The following NLGN1 variants were observed in gnomAD, a reference collection of about 807,000 sequenced individuals.
NLGN1 encodes neuroligin-1.
In NLGN1, 12 loss-of-function variants were observed where a neutral mutation model predicts 65.5. The ratio of observed to expected loss-of-function variants is 0.18; its 90% CI spans 0.12 to 0.30. The LOEUF (loss-of-function observed/expected upper bound fraction) is 0.30, where lower values mean the gene tolerates loss of function less well. Among genes scored for constraint, NLGN1 ranks in the 10% least tolerant of loss-of-function variants. NLGN1 has a pLI of 1.00. For synonymous variants in NLGN1, 350 were observed against 359.5 expected (o/e 0.97, Z 0.30); for missense variants, 750 against 1,007.1 (o/e 0.74, Z 3.46).
chr3:173,426,947 A>T (rs1280021798), intron 1 of NLGN1, among the ~76,000 whole-genome samples: 1 of 152,084 alleles, frequency 6.6e-6, no homozygotes, highest in Non-Finnish European at 1.5e-5. Context: ...CAATGAAATT[A>T]TCTGGTTACG....
At chr3:173,797,695 AC>A (rs1194354560) in intron 3 of NLGN1, among the ~76,000 whole-genome samples, 167 of 54,712 alleles carry the variant, frequency 3.1e-3, no homozygotes, top group African/African-American at 5.4e-3. Context: ...AACAACAACA[AC>A]AACAAAAAAA....
At chr3:173,870,664 T>C (rs930310343) in intron 4 of NLGN1, among the ~76,000 whole-genome samples, 1 of 152,206 alleles carries the variant, frequency 6.6e-6, no homozygotes, top group African/African-American at 2.4e-5. Flanking sequence ...CTTCTGAGTT[T>C]CTTAATTTAT....
intron 4 of NLGN1, among the ~76,000 whole-genome samples, chr3:174,223,592 C>T (rs1441926845): frequency 1.3e-5 from 2 of 152,158 alleles, no homozygotes; most frequent in African/African-American, 4.8e-5. Flanking sequence ...TCAGTGTGTG[C>T]AGCTGAATGT....
chr3:173,814,596 C>A (rs1011978721), intron 4 of NLGN1, among the ~76,000 whole-genome samples: 3 of 152,082 alleles, frequency 2.0e-5, no homozygotes, highest in Non-Finnish European at 4.4e-5. Flanking sequence ...GTAAGTGTGT[C>A]AATTATTGTG....
intron 2 of NLGN1, among the ~76,000 whole-genome samples, chr3:173,477,620 A>G (rs1279744560): frequency 3.9e-5 from 6 of 152,118 alleles, no homozygotes; most frequent in Non-Finnish European, 2.9e-5. Flanking sequence ...GTAGAAAGGG[A>G]CCTCCTGAAG....
At chr3:173,480,873 A>C (rs1354736511) in intron 2 of NLGN1, among the ~76,000 whole-genome samples, 3 of 152,106 alleles carry the variant, frequency 2.0e-5, no homozygotes, top group Admixed American at 2.0e-4. Context: ...AAGTAAGATC[A>C]ATTGGGTATG....
intron 2 of NLGN1, among the ~76,000 whole-genome samples, chr3:173,452,969 T>C (rs900272499): frequency 2.0e-5 from 3 of 152,208 alleles, no homozygotes; most frequent in Non-Finnish European, 4.4e-5. Flanking sequence ...ACAGTACTAA[T>C]GATCACTGGA....
chr3:173,646,990 G>C (rs533278616), intron 3 of NLGN1, among the ~76,000 whole-genome samples: 1 of 152,114 alleles, frequency 6.6e-6, no homozygotes, highest in East Asian at 1.9e-4. Context: ...TAACAGAATG[G>C]AAAATAAATG....
chr3:174,066,073 T>G (rs1738482892), intron 4 of NLGN1, among the ~76,000 whole-genome samples: 1 of 152,192 alleles, frequency 6.6e-6, no homozygotes, highest in Admixed American at 6.6e-5. Context: ...GACTGCTTTT[T>G]AAAGCAAATT....
chr3:173,946,288 G>A (rs1468975622), intron 4 of NLGN1, among the ~76,000 whole-genome samples: 2 of 152,032 alleles, frequency 1.3e-5, no homozygotes, highest in African/African-American at 4.8e-5. Flanking sequence ...ATTTCTTTGG[G>A]CATTTAGATA....
intron 4 of NLGN1, among the ~76,000 whole-genome samples, chr3:174,000,294 G>T (rs1723030103): frequency 6.6e-6 from 1 of 152,030 alleles, no homozygotes. Context: ...ACAGCAACTT[G>T]AATTTTTCCG....
chr3:173,738,528 C>A (rs1464053033), intron 3 of NLGN1, among the ~76,000 whole-genome samples: 1 of 152,020 alleles, frequency 6.6e-6, no homozygotes, highest in Non-Finnish European at 1.5e-5. Context: ...TTTCTTGGAA[C>A]CCTTGACAAA....
chr3:173,407,789 A>G (rs1711586908), intron 1 of NLGN1, among the ~76,000 whole-genome samples: 2 of 152,244 alleles, frequency 1.3e-5, no homozygotes, highest in South Asian at 4.1e-4. Flanking sequence ...AAGCAAAGAA[A>G]AATGCTTATT....
chr3:173,642,013 GCT>G (rs138192749), intron 3 of NLGN1, among the ~76,000 whole-genome samples: 3,312 of 145,300 alleles, frequency 0.023, 92 homozygotes, highest in African/African-American at 0.07. Context: ...TCAGTGGACT[GCT>G]CTCTCTCTCT....
intron 4 of NLGN1, among the ~76,000 whole-genome samples, chr3:174,052,406 C>G (rs772796206): frequency 8.6e-5 from 13 of 151,618 alleles, no homozygotes; most frequent in Middle Eastern, 3.2e-3. Context: ...TCAAATTAAG[C>G]AAGGAATGTA....
intron 4 of NLGN1, among the ~76,000 whole-genome samples, chr3:173,965,637 A>G (rs192941164): frequency 4.6e-5 from 7 of 152,188 alleles, no homozygotes. Context: ...TAAAACATTT[A>G]TTATCATCTC....
chr3:174,100,136 A>T (rs938613346), intron 4 of NLGN1, among the ~76,000 whole-genome samples: 14 of 152,248 alleles, frequency 9.2e-5, no homozygotes, highest in Admixed American at 3.9e-4. Context: ...AATATTTCAG[A>T]GTTTGACTCG....
intron 2 of NLGN1, among the ~76,000 whole-genome samples, chr3:173,459,805 G>C (rs771143848): frequency 6.6e-5 from 10 of 151,950 alleles, no homozygotes; most frequent in Non-Finnish European, 1.3e-4. Context: ...GTAATTTGCA[G>C]TTAAATACTA....
intron 2 of NLGN1, among the ~76,000 whole-genome samples, chr3:173,475,358 A>C (rs1185551227): frequency 2.6e-5 from 4 of 152,130 alleles, no homozygotes; most frequent in African/African-American, 9.7e-5. Context: ...ATAACTATAT[A>C]GTCTCTCTGT....
Sources: allele counts gnomAD v4.1 joint callset (sites outside exome capture counted in the v4.1 genomes callset), GRCh38; gene constraint gnomAD v4.1.1; transcripts MANE v1.5; gene names NCBI Gene and HGNC (gene_info 2026-07-23, HGNC 2026-07-21).